IMMP2L: variants seen among roughly 807,000 people sequenced by gnomAD.
The protein encoded by IMMP2L is inner mitochondrial membrane peptidase subunit 2, also known as mitochondrial inner membrane protease subunit 2.
IMMP2L carries 18 observed loss-of-function variants against 19.3 expected under a neutral mutation model. The observed-to-expected ratio is 0.93, with a 90% CI of 0.64 to 1.38. IMMP2L has a LOEUF of 1.38. Among genes scored for constraint, IMMP2L ranks in the 40% most tolerant of loss-of-function variants. The pLI, the probability that IMMP2L is intolerant of heterozygous loss-of-function variation, is 0.00. For missense variants in IMMP2L, 233 were observed against 218.2 expected (o/e 1.07, Z -0.43); for synonymous variants, 76 against 73.0 (o/e 1.04, Z -0.21).
At chr7:110,928,351 GCACACACACA>G (rs58639346) in intron 4 of IMMP2L, among the ~76,000 whole-genome samples, 7,501 of 117,044 alleles carry the variant, frequency 0.064, 352 homozygotes, top group African/African-American at 0.13. Flanking sequence ...ATATGTACCT[GCACACACACA>G]CACACACACA....
chr7:111,001,979 A>G (rs1823751995), intron 3 of IMMP2L, among the ~76,000 whole-genome samples: 1 of 152,134 alleles, frequency 6.6e-6, no homozygotes, highest in South Asian at 2.1e-4. Flanking sequence ...GCATGTGGTC[A>G]AGAAATTACA....
chr7:110,957,905 T>C (rs1222734900), intron 4 of IMMP2L, among the ~76,000 whole-genome samples: 3 of 151,944 alleles, frequency 2.0e-5, no homozygotes, highest in African/African-American at 7.2e-5. Flanking sequence ...TTCTTACCCA[T>C]GACATTGCAT....
chr7:111,306,238 G>A (rs1000203856), intron 3 of IMMP2L, among the ~76,000 whole-genome samples: 1 of 152,128 alleles, frequency 6.6e-6, no homozygotes, highest in Non-Finnish European at 1.5e-5. Flanking sequence ...GTGGATACAT[G>A]TTATTACAAA....
At position 111,097,582 on chromosome 7, in the gene IMMP2L, AG is replaced by A. The variant is rs1335676323; in HGVS notation, c.240-134018del. Among the ~76,000 whole-genome samples, 6 of 151,790 alleles carry A rather than the reference AG, an allele frequency of 4.0e-5. No homozygotes were observed. In the South Asian group the frequency reaches 1.0e-3, roughly 26 times the overall value. On this transcript the variant is annotated intron_variant, in intron 3 of 5. Coordinates refer to ENST00000405709, the MANE Select transcript of IMMP2L (RefSeq NM_032549.4). Reference sequence around the variant, plus strand: ...ACTAACTTTCAGCTTACCTTTCTTAAGGAAAAAAAACAAAAAAATGTTAAAA... The same window carrying A: ...ACTAACTTTCAGCTTACCTTTCTTAAGAAAAAAAACAAAAAAATGTTAAAA...
intron 4 of IMMP2L, among the ~76,000 whole-genome samples, chr7:110,939,285 T>C (rs931216777): frequency 3.3e-5 from 5 of 151,678 alleles, no homozygotes; most frequent in African/African-American, 1.2e-4. Flanking sequence ...GTGTTTCCAA[T>C]TAAGTTGTTC....
At chr7:111,177,725 C>A (rs982107680) in intron 3 of IMMP2L, among the ~76,000 whole-genome samples, 3 of 152,100 alleles carry the variant, frequency 2.0e-5, no homozygotes, top group East Asian at 3.9e-4. Context: ...CCAAGACAAG[C>A]CTTTGCCCTA....
chr7:110,904,001 C>T (rs1008012792), intron 4 of IMMP2L, among the ~76,000 whole-genome samples: 8 of 151,518 alleles, frequency 5.3e-5, no homozygotes, highest in South Asian at 2.1e-4. Flanking sequence ...TTCATGTAAG[C>T]GGTTTGCCAT....
intron 3 of IMMP2L, among the ~76,000 whole-genome samples, chr7:111,310,628 C>T (rs1248462236): frequency 1.3e-5 from 2 of 151,960 alleles, no homozygotes; most frequent in African/African-American, 4.8e-5. Context: ...AATTTCTTAT[C>T]CTTATTTAAC....
At chr7:110,690,302 T>G (rs1408676600) in intron 5 of IMMP2L, among the ~76,000 whole-genome samples, 1 of 152,220 alleles carries the variant, frequency 6.6e-6, no homozygotes, top group East Asian at 1.9e-4. Context: ...ATCTTTGTAT[T>G]TTGTTCAGCA....
At chr7:111,472,142 G>A (rs977104598) in intron 3 of IMMP2L, among the ~76,000 whole-genome samples, 1 of 151,974 alleles carries the variant, frequency 6.6e-6, no homozygotes, top group African/African-American at 2.4e-5. Context: ...TATTGTTAAC[G>A]TATGTCAACT....
At chr7:111,468,417 G>A (rs1458271991) in intron 3 of IMMP2L, among the ~76,000 whole-genome samples, 6 of 152,258 alleles carry the variant, frequency 3.9e-5, no homozygotes, top group South Asian at 4.1e-4. Flanking sequence ...TAGCAAGGCT[G>A]TAGGGGCCAT....
chr7:110,846,556 G>A (rs556831221), intron 5 of IMMP2L, among the ~76,000 whole-genome samples: 24 of 151,732 alleles, frequency 1.6e-4, no homozygotes, highest in Admixed American at 3.3e-4. Context: ...AGTAGAGACC[G>A]GGTTTTACCT....
intron 3 of IMMP2L, among the ~76,000 whole-genome samples, chr7:111,315,587 T>C (rs1251061127): frequency 6.6e-6 from 1 of 152,116 alleles, no homozygotes; most frequent in Non-Finnish European, 1.5e-5. Flanking sequence ...AAATCCTTTC[T>C]ACCACAGCTT....
chr7:111,126,659 TAA>T (rs538819225), intron 3 of IMMP2L, among the ~76,000 whole-genome samples: 1 of 150,912 alleles, frequency 6.6e-6, no homozygotes, highest in African/African-American at 2.4e-5. Context: ...GGATTTCACT[TAA>T]AAAAAAAGAG....
intron 3 of IMMP2L, among the ~76,000 whole-genome samples, chr7:111,137,018 T>G (rs2129596336): frequency 6.6e-6 from 1 of 152,258 alleles, no homozygotes; most frequent in South Asian, 2.1e-4. Flanking sequence ...TAGCTTGCTG[T>G]TATTATCATA....
intron 5 of IMMP2L, among the ~76,000 whole-genome samples, chr7:110,691,550 G>A (rs1917720): frequency 0.94 from 143,561 of 152,202 alleles, 68,015 homozygotes; most frequent in East Asian, 1. Context: ...AAATATTTGC[G>A]AACTACACAT....
intron 1 of IMMP2L, among the ~76,000 whole-genome samples, chr7:111,530,588 G>A (rs1033393981): frequency 3.3e-5 from 5 of 151,886 alleles, no homozygotes; most frequent in Non-Finnish European, 5.9e-5. Context: ...ATAAGACTTA[G>A]TGCCAGAATT....
At chr7:110,957,589 C>G (rs1313927017) in intron 4 of IMMP2L, among the ~76,000 whole-genome samples, 1 of 151,890 alleles carries the variant, frequency 6.6e-6, no homozygotes, top group East Asian at 1.9e-4. Flanking sequence ...TTCTAGGACC[C>G]ACAAGGCTCT....
intron 3 of IMMP2L, among the ~76,000 whole-genome samples, chr7:111,306,881 T>G (rs116110398): frequency 0.023 from 3,466 of 151,914 alleles, 136 homozygotes; most frequent in African/African-American, 0.079. Context: ...TGATTGTCAA[T>G]ATATAGCAAC....
Sources: gnomAD v4.1 joint callset for allele counts (sites outside exome capture counted in the v4.1 genomes callset) on GRCh38, gnomAD v4.1.1 for gene constraint, MANE v1.5 for transcripts, NCBI Gene and HGNC (gene_info 2026-07-23, HGNC 2026-07-21) for gene names.